TLN2: variants seen among roughly 807,000 people sequenced by gnomAD.
The protein encoded by TLN2 is talin 2.
In TLN2, 118 loss-of-function variants were observed where a neutral mutation model predicts 294.7. The ratio of observed to expected loss-of-function variants is 0.40; its 90% confidence interval spans 0.34 to 0.47. TLN2 has a LOEUF of 0.47. Ranked by LOEUF, TLN2 falls within the 20% of genes least tolerant of loss-of-function variation. The pLI, the probability that TLN2 is intolerant of heterozygous loss-of-function variation, is 0.84. For synonymous variants in TLN2, 1,431 were observed against 1,304.5 expected (o/e 1.10, Z -2.09); for missense variants, 3,083 against 3,282.2 (o/e 0.94, Z 1.48).
intron 40 of TLN2, among the ~76,000 whole-genome samples, chr15:62,764,971 T>TA (rs5813170): frequency 1.5e-4 from 16 of 108,916 alleles, no homozygotes; most frequent in African/African-American, 4.6e-4. Flanking sequence ...GACTCCATCT[T>TA]AAAAAAAAAA....
At chr15:62,833,826 C>A (rs573059795) in intron 55 of TLN2, 197 bp downstream of exon 55, 4 of 637,584 alleles carry the variant, frequency 6.3e-6, no homozygotes, top group Non-Finnish European at 9.7e-6. Flanking sequence ...GGCTTCTGGG[C>A]CTCTCATCTG....
intron 11 of TLN2, among the ~76,000 whole-genome samples, chr15:62,677,102 C>T (rs554018408): frequency 7.9e-5 from 12 of 152,324 alleles, no homozygotes; most frequent in African/African-American, 4.8e-5. Flanking sequence ...CTGCTTCCAC[C>T]GTTCTAGCTT....
At chr15:62,619,634 G>A (rs1188701845) in intron 3 of TLN2, among the ~76,000 whole-genome samples, 1 of 152,170 alleles carries the variant, frequency 6.6e-6, no homozygotes, top group Non-Finnish European at 1.5e-5. Context: ...GGATTAGGGT[G>A]GGCCCTGAAT....
intron 2 of TLN2, among the ~76,000 whole-genome samples, chr15:62,597,201 C>G (rs554411021): frequency 5.1e-4 from 77 of 152,258 alleles, no homozygotes; most frequent in African/African-American, 1.9e-3. Flanking sequence ...CAGTCCAACC[C>G]CTCAATTTCA....
intron 2 of TLN2, among the ~76,000 whole-genome samples, chr15:62,607,242 C>T (rs893060874): frequency 4.6e-5 from 7 of 152,152 alleles, no homozygotes; most frequent in African/African-American, 1.7e-4. Context: ...GGCATCAGAG[C>T]AGCCTTGGGT....
chr15:62,750,273 C>T, intron 33 of TLN2, 129 bp from the exon 34 acceptor site: 1 of 736,484 alleles, frequency 1.4e-6, no homozygotes, highest in Admixed American at 2.1e-5. Flanking sequence ...AATTCTCAAA[C>T]ATCTGAGTAA....
intron 1 of TLN2, among the ~76,000 whole-genome samples, chr15:62,490,727 A>G (rs2038660827): frequency 1.3e-5 from 2 of 152,136 alleles, no homozygotes; most frequent in South Asian, 2.1e-4. Context: ...TTGGCCAGGT[A>G]TACATCACTT....
intron 35 of TLN2, among the ~76,000 whole-genome samples, 153 bp from the exon 36 acceptor site, chr15:62,753,620 C>A (rs1385265383): frequency 6.6e-6 from 1 of 152,236 alleles, no homozygotes; most frequent in East Asian, 1.9e-4. Flanking sequence ...CATTATTACA[C>A]CCTTATTGGT....
At chr15:62,817,908 G>C (rs1449688751) in intron 52 of TLN2, among the ~76,000 whole-genome samples, 2 of 140,270 alleles carry the variant, frequency 1.4e-5, no homozygotes, top group African/African-American at 5.3e-5. Context: ...AACCTCTGTT[G>C]AGGCAGTTCT....
chr15:62,627,631 A>G (rs1209214760), intron 3 of TLN2, among the ~76,000 whole-genome samples: 1 of 152,234 alleles, frequency 6.6e-6, no homozygotes, highest in Admixed American at 6.5e-5. Flanking sequence ...GAGCAATACT[A>G]CATGCAGGCT....
chr15:62,430,107 G>T (rs945406844), intron 1 of TLN2, among the ~76,000 whole-genome samples: 4 of 152,156 alleles, frequency 2.6e-5, no homozygotes, highest in Non-Finnish European at 5.9e-5. Context: ...ATTTTAAAAA[G>T]GAAAAAATTA....
chr15:62,637,380 A>C (rs1443869594), intron 3 of TLN2: 1 of 152,208 alleles, frequency 6.6e-6, no homozygotes, highest in Non-Finnish European at 1.5e-5. Context: ...GCAGGACTGA[A>C]AGGTAGACTC....
chr15:62,762,691 T>C (rs1025867186), intron 39 of TLN2, among the ~76,000 whole-genome samples: 2 of 152,232 alleles, frequency 1.3e-5, no homozygotes, highest in Non-Finnish European at 1.5e-5. Context: ...CACAATAGTC[T>C]TATAAGGTAC....
In TLN2 at chr15:62,683,381, G is replaced by T. The variant is rs909638867; in HGVS notation, c.958-3260G>T. Among the ~76,000 whole-genome samples the T allele has an allele frequency of 1.3e-5, 2 of 152,068 alleles. 1 individual carries two copies. Among genetic ancestry groups the T allele is most frequent in the African/African-American group, 4.8e-5 (2 of 41,404 alleles). On this transcript the variant is annotated intron_variant, in intron 11 of 58. Coordinates refer to ENST00000636159, the MANE Select transcript of TLN2 (RefSeq NM_015059.3). ...AGCTGAAATACGTTTGAAAGAGGAG[G>T]GCTTGGGTTTATTAGCGAATCCTGC...
At chr15:62,726,303 C>T (rs1488686563) in intron 27 of TLN2, among the ~76,000 whole-genome samples, 1 of 152,134 alleles carries the variant, frequency 6.6e-6, no homozygotes, top group Non-Finnish European at 1.5e-5. Flanking sequence ...GAAAGCATTG[C>T]CTCTCTTGGA....
intron 43 of TLN2, among the ~76,000 whole-genome samples, chr15:62,780,822 CT>C (rs2141079551): frequency 6.6e-6 from 1 of 152,240 alleles, no homozygotes; most frequent in South Asian, 2.1e-4. Context: ...ATTCTGTTCC[CT>C]TTTCTTGGGA....
chr15:62,483,813 C>G (rs764219369), intron 1 of TLN2, among the ~76,000 whole-genome samples: 39 of 152,334 alleles, frequency 2.6e-4, no homozygotes, highest in Non-Finnish European at 4.7e-4. Context: ...CTTCAAACTC[C>G]CTTCTGAGAG....
chr15:62,478,725 G>C (rs182091216), intron 1 of TLN2, among the ~76,000 whole-genome samples: 1 of 152,256 alleles, frequency 6.6e-6, no homozygotes, highest in African/African-American at 2.4e-5. Flanking sequence ...CCACTCAGTG[G>C]GATTTCTATG....
chr15:62,708,007 C>T (rs994322230), intron 20 of TLN2, among the ~76,000 whole-genome samples: 2 of 151,996 alleles, frequency 1.3e-5, no homozygotes, highest in African/African-American at 4.8e-5. Flanking sequence ...GCATCGTCTC[C>T]CTCAAGCTTT....
Sources: allele counts gnomAD v4.1 joint callset (sites outside exome capture counted in the v4.1 genomes callset), GRCh38; gene constraint gnomAD v4.1.1; transcripts MANE v1.5; gene names NCBI Gene and HGNC (gene_info 2026-07-23, HGNC 2026-07-21).